Variants in SH3PXD2A observed in about 807,000 individuals in gnomAD.
The protein encoded by SH3PXD2A is SH3 and PX domain-containing protein 2A.
SH3PXD2A carries 32 observed loss-of-function variants against 115.2 expected under a neutral mutation model. The ratio of observed to expected loss-of-function variants is 0.28; its 90% confidence interval spans 0.21 to 0.37. SH3PXD2A has a LOEUF of 0.37. SH3PXD2A is among the 10% of genes least tolerant of loss of function. SH3PXD2A has a pLI of 1.00. For missense variants in SH3PXD2A, 1,328 were observed against 1,498.7 expected (o/e 0.89, Z 1.88); for synonymous variants, 610 against 629.1 (o/e 0.97, Z 0.45).
rs894876919 is a variant in SH3PXD2A, at chr10:103,656,829, A to AG, written c.604+4153_604+4154insC. ...GGCAACAAGAGTGAAACTCCATCTC[A>AG]AAAAAAAAAAAAAAAAATCTACATG... On this transcript the variant is annotated intron_variant, in intron 8 of 14. Transcript: ENST00000369774. 1.8e-4 allele frequency among the ~76,000 whole-genome samples: 4 copies of AG among 21,666 alleles called. No individual in the cohort carries two copies. The African/African-American group carries it at 2.0e-3, about 11-fold the overall frequency. 14.2% of individuals were successfully genotyped at this position (21,666 alleles called of 152,430 possible). A position where few individuals can be genotyped will look rare whatever the true frequency, so the allele number is the denominator to read the frequency against.
At chr10:103,660,407 G>A (rs1397558576) in intron 8 of SH3PXD2A, among the ~76,000 whole-genome samples, 1 of 152,188 alleles carries the variant, frequency 6.6e-6, no homozygotes, top group East Asian at 1.9e-4. Context: ...CCTGGCCCAG[G>A]CCTGGCTGCA....
At chr10:103,752,285 G>T (rs1413875130) in intron 3 of SH3PXD2A, among the ~76,000 whole-genome samples, 1 of 152,202 alleles carries the variant, frequency 6.6e-6, no homozygotes, top group African/African-American at 2.4e-5. Context: ...GAGGACTCCT[G>T]TTCTCCTAAA....
intron 3 of SH3PXD2A, among the ~76,000 whole-genome samples, chr10:103,762,896 T>G (rs528820494): frequency 6.1e-5 from 9 of 148,214 alleles, no homozygotes; most frequent in African/African-American, 2.2e-4. Flanking sequence ...AGACCCCCAA[T>G]CCTTACCCCC....
At chr10:103,708,832 C>T (rs80295346) in intron 5 of SH3PXD2A, among the ~76,000 whole-genome samples, 5,227 of 152,178 alleles carry the variant, frequency 0.034, 281 homozygotes, top group African/African-American at 0.12. Context: ...GACCTAGCAC[C>T]GTGCCCAGCA....
intron 7 of SH3PXD2A, chr10:103,661,745 C>T: frequency 1.0e-6 from 1 of 985,332 alleles, no homozygotes; most frequent in Non-Finnish European, 1.2e-6. Context: ...GGGTTTGAGG[C>T]CGCCAATCAC....
chr10:103,666,927 C>T lies in SH3PXD2A; in HGVS notation c.472+1681G>A, dbSNP rs2134073038. On this transcript the variant is annotated intron_variant, in intron 7 of 14. Transcript: ENST00000369774. The surrounding 1 kb of genome is among the most constrained non-coding windows in gnomAD (Gnocchi z 4.5). ...CGGGGGCTGTGTCCCTGCAACATGC[C>T]CCTCCCAGACCCTACCTTCAGCAGG... is the stretch of plus-strand genomic sequence containing the variant. 6.6e-6 allele frequency among the ~76,000 whole-genome samples: 1 copy of T among 152,236 alleles called. No individual in the cohort carries two copies. Among genetic ancestry groups the T allele is most frequent in the Middle Eastern group, 3.4e-3 (1 of 294 alleles).
chr10:103,751,331 C>T (rs1001171130), intron 3 of SH3PXD2A, among the ~76,000 whole-genome samples: 15 of 152,018 alleles, frequency 9.9e-5, no homozygotes, highest in African/African-American at 3.6e-4. Flanking sequence ...GATTTGTTTC[C>T]TTGCTTAATA....
intron 1 of SH3PXD2A, among the ~76,000 whole-genome samples, chr10:103,821,655 C>T (rs957164532): frequency 6.7e-6 from 1 of 150,338 alleles, no homozygotes; most frequent in Admixed American, 6.6e-5. Context: ...TGGGCTCAAG[C>T]CATCCTCCTG....
At chr10:103,628,518 T>C (rs1348634421) in intron 8 of SH3PXD2A, among the ~76,000 whole-genome samples, 2 of 151,808 alleles carry the variant, frequency 1.3e-5, no homozygotes, top group Non-Finnish European at 2.9e-5. Context: ...GGAGAGGGGT[T>C]ACCTCTGAGC....
chr10:103,721,213 C>T (rs2038178032), intron 5 of SH3PXD2A, among the ~76,000 whole-genome samples: 1 of 152,252 alleles, frequency 6.6e-6, no homozygotes, highest in Non-Finnish European at 1.5e-5. Flanking sequence ...GCACCAGTAG[C>T]ACCTGGCCGG....
In SH3PXD2A at chr10:103,627,072, G is replaced by A. The variant is rs1304018558; in HGVS notation, c.718+17C>T. 2.1e-6 allele frequency: 3 copies of A among 1,454,392 alleles called. No homozygotes were observed. The African/African-American group carries it at 4.2e-5, about 20-fold the overall frequency. The allele number at this position is 1,454,392 out of a possible 1,614,324, so 90.1% of individuals were successfully genotyped here. A position where few individuals can be genotyped will look rare whatever the true frequency, so the allele number is the denominator to read the frequency against. On this transcript the variant is annotated intron_variant, in intron 9 of 14. Coordinates refer to ENST00000369774, the MANE Select transcript of SH3PXD2A (RefSeq NM_001394015.1). This position sits in a 1 kb window ranked among gnomAD's most constrained non-coding sequence, Gnocchi z 4.4. ...AGGCCGCGTTGCTCCCTGCCCCTTG[G>A]ACCTGCAAGCCCTCACCTTCTCCAG... is the stretch of plus-strand genomic sequence containing the variant.
intron 2 of SH3PXD2A, among the ~76,000 whole-genome samples, chr10:103,789,350 C>T (rs1212827693): frequency 6.6e-6 from 1 of 152,180 alleles, no homozygotes; most frequent in Non-Finnish European, 1.5e-5. Context: ...CATGCTCTGC[C>T]AGCTGAGGGC....
In SH3PXD2A at chr10:103,601,905, G is replaced by T; in HGVS notation, c.3313C>A (p.Pro1105Thr). ...GVSMEVLERN[P>T]NGWWYCQILD... ...ATCTGGCAGTACCACCAGCCATTAG[G>T]GTTCCTCTCCAGAACCTCCATGGAC... The change falls in exon 15 of 15, where the codon CCT becomes ACT. Residue 1105 changes from proline (P) to threonine (T), a missense_variant. Pro to Thr is a conservative substitution (Grantham distance 38). Coordinates refer to ENST00000369774, the MANE Select transcript of SH3PXD2A (RefSeq NM_001394015.1). 1 of 1,613,882 alleles carries T rather than the reference G, an allele frequency of 6.2e-7. No homozygotes were observed. Among genetic ancestry groups the T allele is most frequent in the Non-Finnish European group, 8.5e-7 (1 of 1,179,920 alleles).
intron 3 of SH3PXD2A, among the ~76,000 whole-genome samples, chr10:103,758,196 T>C (rs574787156): frequency 6.6e-6 from 1 of 152,310 alleles, no homozygotes; most frequent in African/African-American, 2.4e-5. Flanking sequence ...TGCCCAGCTG[T>C]CTCTGGGTGA....
At chr10:103,662,382 T>G (rs1407278639) in intron 7 of SH3PXD2A, among the ~76,000 whole-genome samples, 2 of 108,404 alleles carry the variant, frequency 1.8e-5, no homozygotes, top group Non-Finnish European at 3.8e-5. Context: ...TAAAATATGA[T>G]GTGCTTTTTT....
rs148878459 is a variant in SH3PXD2A, at chr10:103,602,290, C to G, written c.2928G>C (p.Ala976=). The G allele has an allele frequency of 2.5e-6, 4 of 1,613,296 alleles. No individual in the cohort carries two copies. Among genetic ancestry groups the G allele is most frequent in the South Asian group, 1.1e-5 (1 of 90,940 alleles). The change falls in exon 15 of 15, where the codon GCG becomes GCC. Residue 976 remains alanine (A), a synonymous_variant. Transcript: ENST00000369774. The part of the protein sequence containing the change: ...VKMRNGVRQV[A]VRPQSVFVSP... ...ACACAAACACCGACTGGGGCCTGAC[C>G]GCCACCTGCCGCACTCCGTTCCTCA...
At chr10:103,793,778 G>A (rs2039060240) in intron 2 of SH3PXD2A, among the ~76,000 whole-genome samples, 1 of 152,158 alleles carries the variant, frequency 6.6e-6, no homozygotes. Context: ...CAGTAATCTC[G>A]AACAAATTCC....
At position 103,707,461 on chromosome 10, in the gene SH3PXD2A, C is replaced by A. The variant is rs981027661; in HGVS notation, c.399-14405G>T. 4.6e-5 allele frequency among the ~76,000 whole-genome samples: 7 copies of A among 152,288 alleles called. 1 individual carries two copies. Among genetic ancestry groups the A allele is most frequent in the Admixed American group, 4.6e-4 (7 of 15,300 alleles). The stretch of plus-strand genomic sequence containing the variant: ...CTGCCTGCCTCAGCCTCCCAAGGTG[C>A]TGGGATTATAGGCGTGAGCCACCGC... On this transcript the variant is annotated intron_variant, in intron 5 of 14. Coordinates refer to ENST00000369774, the MANE Select transcript of SH3PXD2A (RefSeq NM_001394015.1).
intron 5 of SH3PXD2A, among the ~76,000 whole-genome samples, chr10:103,698,827 G>T (rs1258662282): frequency 6.6e-6 from 1 of 152,042 alleles, no homozygotes; most frequent in East Asian, 1.9e-4. Context: ...GGTCCTGGGG[G>T]CTACAGAACA....
Sources: allele counts gnomAD v4.1 joint callset (sites outside exome capture counted in the v4.1 genomes callset), GRCh38; gene constraint gnomAD v4.1.1; non-coding constraint Gnocchi (gnomAD v3.1); transcripts MANE v1.5; gene names NCBI Gene and HGNC (gene_info 2026-07-23, HGNC 2026-07-21).